LHPP: variants seen among roughly 807,000 people sequenced by gnomAD.
LHPP encodes hLHPP.
Under a neutral mutation model 30.3 loss-of-function variants are expected in LHPP, and 24 were observed. That is an observed-to-expected ratio of 0.79 (90% CI 0.57 to 1.11). The LOEUF (loss-of-function observed/expected upper bound fraction) is 1.11. LHPP is among the 50% of genes most tolerant of loss of function. The probability of loss-of-function intolerance (pLI) is 0.00; values close to 1 mark genes in which losing one functional copy is unlikely to be tolerated. For missense variants in LHPP, 356 were observed against 367.2 expected, an observed-to-expected ratio of 0.97 and a Z score of 0.25; for synonymous variants, 150 against 157.1, an observed-to-expected ratio of 0.95 and a Z score of 0.34.
chr10:124,519,566 T>G (rs1380270405), intron 6 of LHPP, among the ~76,000 whole-genome samples: 1 of 152,178 alleles, frequency 6.6e-6, no homozygotes, highest in Non-Finnish European at 1.5e-5. Flanking sequence ...GTACCCAGTG[T>G]GTAGTCTTTT....
At chr10:124,595,477 CG>C (rs1564845928) in intron 6 of LHPP, among the ~76,000 whole-genome samples, 1 of 152,226 alleles carries the variant, frequency 6.6e-6, no homozygotes, top group African/African-American at 2.4e-5. Context: ...AGGCCATTCA[CG>C]TCCCTCACAC....
intron 6 of LHPP, among the ~76,000 whole-genome samples, chr10:124,583,707 C>G (rs1266666448): frequency 3.9e-5 from 6 of 152,164 alleles, no homozygotes; most frequent in Non-Finnish European, 8.8e-5. Context: ...TGAGAACTTA[C>G]TCACTATCGC....
chr10:124,497,946 G>A, intron 4 of LHPP, 90 bp from the exon 5 acceptor site: 1 of 1,025,312 alleles, frequency 9.8e-7, no homozygotes, highest in Non-Finnish European at 1.5e-6. Flanking sequence ...CTTGACTCTT[G>A]GGGGCACATT....
At position 124,505,273 on chromosome 10, in the gene LHPP, T is replaced by C. The variant is rs950977203; in HGVS notation, c.624+7145T>C. ...AATGAACTGTGTCTTATGCACAGGG[T>C]AATAATTCTCTGTTCCTGGCTTTTT... On this transcript the variant is annotated intron_variant, in intron 5 of 6. Transcript: ENST00000368842. Among the ~76,000 whole-genome samples, 3 of 152,174 alleles carry C rather than the reference T, an allele frequency of 2.0e-5. No homozygotes were observed. The East Asian group carries it at 5.8e-4, about 29-fold the overall frequency.
chr10:124,488,721 T>C, intron 3 of LHPP, 146 bp downstream of exon 3: 1 of 670,888 alleles, frequency 1.5e-6, no homozygotes, highest in South Asian at 2.0e-5. Context: ...TTTTCATGCT[T>C]TCTCTCTTCA....
intron 1 of LHPP, among the ~76,000 whole-genome samples, chr10:124,471,721 T>G (rs61861924): frequency 5.9e-5 from 1 of 17,092 alleles, no homozygotes; most frequent in Non-Finnish European, 1.5e-4. Context: ...GTATATATAT[T>G]TATGTATATA....
intron 1 of LHPP, among the ~76,000 whole-genome samples, chr10:124,471,039 A>T (rs886591430): frequency 2.6e-5 from 4 of 152,158 alleles, no homozygotes; most frequent in African/African-American, 9.7e-5. Context: ...TTATGTAAAC[A>T]TTCTCACCAG....
At chr10:124,568,911 T>A (rs1948539516) in intron 6 of LHPP, among the ~76,000 whole-genome samples, 1 of 151,824 alleles carries the variant, frequency 6.6e-6, no homozygotes, top group Non-Finnish European at 1.5e-5. Flanking sequence ...TAGGTTTGTC[T>A]GTAATGAGCT....
Position 124,475,933 on chromosome 10 carries a change from GC to G in LHPP, c.126-8204del, listed in dbSNP as rs757357673. 7.2e-5 allele frequency among the ~76,000 whole-genome samples: 11 copies of G among 152,300 alleles called. No individual in the cohort carries two copies. In the South Asian group the frequency reaches 8.3e-4, roughly 11 times the overall value. ...TGTGTGGTCTCCAAAGTCTCTGGCTGCCGATTCCCATGTACTTCATTCTAAA... is the reference window on the plus strand; with the variant it reads ...TGTGTGGTCTCCAAAGTCTCTGGCTGCGATTCCCATGTACTTCATTCTAAA... On this transcript the variant is annotated intron_variant, in intron 1 of 6. Coordinates refer to ENST00000368842, the MANE Select transcript of LHPP (RefSeq NM_022126.4).
chr10:124,534,694 G>A (rs1020903756), intron 6 of LHPP, among the ~76,000 whole-genome samples: 1 of 152,200 alleles, frequency 6.6e-6, no homozygotes, highest in Non-Finnish European at 1.5e-5. Context: ...CTTCCCGCCC[G>A]GTGCCTGGCA....
chr10:124,544,390 C>T (rs937062830), intron 6 of LHPP, among the ~76,000 whole-genome samples: 1 of 152,202 alleles, frequency 6.6e-6, no homozygotes, highest in Non-Finnish European at 1.5e-5. Flanking sequence ...GGGTCAGGAG[C>T]AGACTGGCAG....
intron 6 of LHPP, among the ~76,000 whole-genome samples, chr10:124,582,030 C>A (rs1426786265): frequency 6.6e-6 from 1 of 152,132 alleles, no homozygotes; most frequent in East Asian, 1.9e-4. Context: ...GATCCACCCA[C>A]CTTGGCCTCC....
At chr10:124,534,369 ACT>A (rs1954969918) in intron 6 of LHPP, among the ~76,000 whole-genome samples, 2 of 152,218 alleles carry the variant, frequency 1.3e-5, no homozygotes, top group South Asian at 2.1e-4. Context: ...TGTATCTGTG[ACT>A]CTGCAGAGAG....
At chr10:124,483,272 G>C (rs577404252) in intron 1 of LHPP, among the ~76,000 whole-genome samples, 1 of 152,128 alleles carries the variant, frequency 6.6e-6, no homozygotes, top group Non-Finnish European at 1.5e-5. Flanking sequence ...AACCTGTCTC[G>C]GGCCATCTGC....
At chr10:124,504,610 A>C (rs1328967265) in intron 5 of LHPP, among the ~76,000 whole-genome samples, 1 of 151,632 alleles carries the variant, frequency 6.6e-6, no homozygotes, top group Admixed American at 6.6e-5. Context: ...AAAAAAAAAA[A>C]AATAGGAAAG....
At chr10:124,494,078 G>A (rs1480128840) in intron 3 of LHPP, among the ~76,000 whole-genome samples, 2 of 152,148 alleles carry the variant, frequency 1.3e-5, no homozygotes, top group Non-Finnish European at 2.9e-5. Flanking sequence ...CTAAAGATTA[G>A]CATGCAAAGA....
intron 6 of LHPP, among the ~76,000 whole-genome samples, chr10:124,537,334 G>C (rs1363299759): frequency 6.6e-6 from 1 of 152,348 alleles, no homozygotes; most frequent in South Asian, 2.1e-4. Flanking sequence ...CTGCCCGTGA[G>C]ATCCTCCTTG....
intron 1 of LHPP, among the ~76,000 whole-genome samples, chr10:124,477,633 C>T (rs1952992299): frequency 6.6e-6 from 1 of 152,238 alleles, no homozygotes; most frequent in Non-Finnish European, 1.5e-5. Context: ...AAAGCACCTA[C>T]TGTGCTGGGT....
chr10:124,591,040 G>A (rs952251708), intron 6 of LHPP, among the ~76,000 whole-genome samples: 2 of 152,336 alleles, frequency 1.3e-5, no homozygotes, highest in Admixed American at 6.5e-5. Context: ...TGTGTGGGGA[G>A]TGCAGAGCAG....
Sources: allele counts gnomAD v4.1 joint callset (sites outside exome capture counted in the v4.1 genomes callset), GRCh38; gene constraint gnomAD v4.1.1; transcripts MANE v1.5; gene names NCBI Gene and HGNC (gene_info 2026-07-23, HGNC 2026-07-21).